RGS7BP: variants seen among roughly 807,000 people sequenced by gnomAD.
The protein encoded by RGS7BP is regulator of G protein signaling 7-binding protein.
In RGS7BP, 9 loss-of-function variants were observed where a neutral mutation model predicts 31.3. The observed-to-expected ratio is 0.29, with a 90% CI of 0.17 to 0.50. The LOEUF is 0.50. Ranked by LOEUF, RGS7BP falls within the 20% of genes least tolerant of loss-of-function variation. The probability of loss-of-function intolerance (pLI) is 0.98; values close to 1 mark genes in which losing one functional copy is unlikely to be tolerated. For synonymous variants in RGS7BP, 115 were observed against 120.1 expected (o/e 0.96, Z 0.28); for missense variants, 274 against 322.0 (o/e 0.85, Z 1.14).
intron 2 of RGS7BP, among the ~76,000 whole-genome samples, chr5:64,535,605 C>A (rs1741331961): frequency 1.3e-5 from 2 of 152,214 alleles, no homozygotes; most frequent in African/African-American, 4.8e-5. Context: ...GGTTATCCAA[C>A]ATAGAGAGCT....
intron 2 of RGS7BP, among the ~76,000 whole-genome samples, chr5:64,555,833 A>G (rs1227390897): frequency 6.6e-6 from 1 of 152,198 alleles, no homozygotes; most frequent in Non-Finnish European, 1.5e-5. Context: ...CACATATGCT[A>G]CACAATGCTA....
intron 2 of RGS7BP, among the ~76,000 whole-genome samples, chr5:64,549,754 C>A (rs1371197031): frequency 6.6e-6 from 1 of 152,128 alleles, no homozygotes; most frequent in Non-Finnish European, 1.5e-5. Context: ...TCAGAACAAG[C>A]TTTCTCATTA....
At chr5:64,510,750 A>G (rs556655875) in intron 2 of RGS7BP, among the ~76,000 whole-genome samples, 1 of 152,332 alleles carries the variant, frequency 6.6e-6, no homozygotes, top group East Asian at 1.9e-4. Context: ...CGTGATTAAC[A>G]CTTGGTTTTT....
chr5:64,515,592 C>T (rs1580386151), intron 2 of RGS7BP, among the ~76,000 whole-genome samples: 1 of 152,036 alleles, frequency 6.6e-6, no homozygotes, highest in East Asian at 1.9e-4. Context: ...AAGACAACTA[C>T]ACAAAGCACA....
chr5:64,595,546 ATAT>A (rs1743041856), intron 4 of RGS7BP, among the ~76,000 whole-genome samples: 2 of 152,234 alleles, frequency 1.3e-5, no homozygotes, highest in Non-Finnish European at 1.5e-5. Context: ...AATAATAATA[ATAT>A]TATAATAAAT....
intron 4 of RGS7BP, 138 bp downstream of exon 4, chr5:64,594,995 C>A: frequency 1.1e-6 from 1 of 897,382 alleles, no homozygotes; most frequent in South Asian, 1.8e-5. Context: ...ATAGTGCTGT[C>A]AGGGACCCTG....
chr5:64,612,023 T>G lies in RGS7BP; in HGVS notation c.*2771T>G, dbSNP rs1296190278. 1 of 152,338 alleles carries G rather than the reference T, an allele frequency of 6.6e-6. No individual in the cohort carries two copies. The highest frequency in any genetic ancestry group is 1.5e-5 in the Non-Finnish European group (1 of 67,916). 9.4% of individuals were successfully genotyped at this position (152,338 alleles called of 1,614,324 possible). On this transcript the variant is annotated 3_prime_UTR_variant, in exon 6 of 6. Coordinates refer to ENST00000334025, the MANE Select transcript of RGS7BP (RefSeq NM_001029875.3). The stretch of plus-strand genomic sequence containing the variant: ...CCCACAGGCTTGAAACAGAAAATGA[T>G]GTAAACTTTTGTGGCATACATTCAC...
At chr5:64,519,308 A>C (rs1405889801) in intron 2 of RGS7BP, among the ~76,000 whole-genome samples, 4 of 152,234 alleles carry the variant, frequency 2.6e-5, no homozygotes, top group Non-Finnish European at 5.9e-5. Context: ...TATGGGCCAG[A>C]CATTGTGCAA....
intron 2 of RGS7BP, among the ~76,000 whole-genome samples, chr5:64,538,528 C>CTTTTT (rs200275665): frequency 2.3e-5 from 1 of 43,058 alleles, no homozygotes. Flanking sequence ...CTTTTCTTTT[C>CTTTTT]TTTTTTTTTT....
intron 5 of RGS7BP, among the ~76,000 whole-genome samples, chr5:64,604,630 G>A (rs1384755166): frequency 6.6e-6 from 1 of 152,116 alleles, no homozygotes; most frequent in East Asian, 1.9e-4. Context: ...AAACTCTGGA[G>A]GTGGGGTCAG....
At chr5:64,513,110 A>G (rs1748883429) in intron 2 of RGS7BP, among the ~76,000 whole-genome samples, 1 of 152,234 alleles carries the variant, frequency 6.6e-6, no homozygotes, top group South Asian at 2.1e-4. Flanking sequence ...GAAAAAATAA[A>G]TATCATGCAA....
chr5:64,534,613 A>G (rs1371171689), intron 2 of RGS7BP, among the ~76,000 whole-genome samples: 1 of 152,186 alleles, frequency 6.6e-6, no homozygotes, highest in Non-Finnish European at 1.5e-5. Flanking sequence ...GTGCTGTGCC[A>G]TGAAACAGGG....
At chr5:64,544,339 T>C (rs1741595282) in intron 2 of RGS7BP, among the ~76,000 whole-genome samples, 1 of 152,036 alleles carries the variant, frequency 6.6e-6, no homozygotes, top group African/African-American at 2.4e-5. Flanking sequence ...TTAGGGAGGA[T>C]TTCCCAAAGA....
intron 2 of RGS7BP, among the ~76,000 whole-genome samples, chr5:64,509,828 A>G (rs1748784047): frequency 6.6e-6 from 1 of 152,240 alleles, no homozygotes; most frequent in Non-Finnish European, 1.5e-5. Flanking sequence ...AAGGAAAACC[A>G]ACTCCATAAA....
chr5:64,541,848 T>G (rs1222748763), intron 2 of RGS7BP, among the ~76,000 whole-genome samples: 1 of 152,244 alleles, frequency 6.6e-6, no homozygotes, highest in East Asian at 1.9e-4. Flanking sequence ...CTACCAATCC[T>G]ATCTCTGCTG....
In RGS7BP at chr5:64,538,546, C is replaced by CTTTTT. The variant is rs1191560944; in HGVS notation, c.332+30693_332+30697dup. Among the ~76,000 whole-genome samples the CTTTTT allele has an allele frequency of 1.3e-3, 51 of 40,038 alleles. 10 individuals are homozygous for CTTTTT. Among genetic ancestry groups the CTTTTT allele is most frequent in the African/African-American group, 4.1e-3 (37 of 8,980 alleles). 26.3% of individuals were successfully genotyped at this position (40,038 alleles called of 152,430 possible). On this transcript the variant is annotated intron_variant, in intron 2 of 5. Transcript: ENST00000334025. Reference sequence around the variant, plus strand: ...TTCTTTTCTTTTTTTTTTTCCTTTTCTTTTTTTTTTTTTTTTTTTTTTTTT... The same window carrying CTTTTT: ...TTCTTTTCTTTTTTTTTTTCCTTTTCTTTTTTTTTTTTTTTTTTTTTTTTTTTTTT...
chr5:64,587,660 T>C (rs12514315), intron 3 of RGS7BP, among the ~76,000 whole-genome samples: 52,315 of 151,748 alleles, frequency 0.34, 9,252 homozygotes, highest in South Asian at 0.4. Context: ...TGAGCCTCCA[T>C]AAGGACAGCT....
intron 2 of RGS7BP, among the ~76,000 whole-genome samples, chr5:64,548,405 C>T (rs1277530004): frequency 6.6e-6 from 1 of 152,156 alleles, no homozygotes; most frequent in Non-Finnish European, 1.5e-5. Context: ...GACACGTTTG[C>T]CTATATAATA....
chr5:64,582,330 G>A (rs1561343017), intron 3 of RGS7BP, among the ~76,000 whole-genome samples: 2 of 152,190 alleles, frequency 1.3e-5, no homozygotes, highest in Non-Finnish European at 2.9e-5. Context: ...CCTCTCTCTT[G>A]CTTTCTTTTC....
Sources: gnomAD v4.1 joint callset for allele counts (sites outside exome capture counted in the v4.1 genomes callset) on GRCh38, gnomAD v4.1.1 for gene constraint, MANE v1.5 for transcripts, NCBI Gene and HGNC (gene_info 2026-07-23, HGNC 2026-07-21) for gene names.